The following SLC5A1 variants were observed in gnomAD, a reference collection of about 807,000 sequenced individuals.
The protein encoded by SLC5A1 is solute carrier family 5 member 1, also known as sodium/glucose cotransporter 1.
In SLC5A1, 42 loss-of-function variants were observed where a neutral mutation model predicts 73.5. The ratio of observed to expected loss-of-function variants is 0.57; its 90% CI spans 0.45 to 0.74. The LOEUF is 0.74. SLC5A1 is among the 30% of genes least tolerant of loss of function. The probability of loss-of-function intolerance (pLI) is 0.00; values close to 1 mark genes in which losing one functional copy is unlikely to be tolerated. For missense variants in SLC5A1, 634 were observed against 855.4 expected (o/e 0.74, Z 3.23); for synonymous variants, 300 against 317.4 (o/e 0.95, Z 0.58).
chr22:32,047,771 T>C (rs929969113), intron 1 of SLC5A1, among the ~76,000 whole-genome samples: 3 of 152,150 alleles, frequency 2.0e-5, no homozygotes, highest in Admixed American at 6.5e-5. Flanking sequence ...AAATTACAAG[T>C]GTCTAAGTGC....
chr22:32,086,225 A>G lies in SLC5A1; in HGVS notation c.1027A>G (p.Ile343Val). 6.2e-7 allele frequency: 1 copy of G among 1,611,410 alleles called. No homozygotes were observed. Among genetic ancestry groups the G allele is most frequent in the African/African-American group, 1.3e-5 (1 of 74,994 alleles). ...GGCTCTCCATCTCTTCCCAGAAAAA[A>G]TTGCCTGTGTCGTCCCTTCAGAATG... ...MISRILYTEK[I>V]ACVVPSECEK... is the part of the protein sequence containing the mutation. Residue 343 changes from isoleucine to valine, a missense_variant, in exon 10 of 15, where the codon ATT (isoleucine) becomes GTT (valine). This residue lies in a region of SLC5A1 where 422 missense variants were observed against 626.1 expected (regional missense o/e 0.67). Coordinates refer to ENST00000266088, the MANE Select transcript of SLC5A1 (RefSeq NM_000343.4).
In SLC5A1 at chr22:32,073,618, G is replaced by A. The variant is rs186600671; in HGVS notation, c.477+5018G>A. ...GTTGCCCAGGCTGGAGTACTGTGGC[G>A]CGATCTTGGCTCACTGCAACCTCCA... On this transcript the variant is annotated intron_variant, in intron 5 of 14. Transcript: ENST00000266088. Among the ~76,000 whole-genome samples, 251 of 152,032 alleles carry A rather than the reference G, an allele frequency of 1.7e-3. 1 individual carries two copies. The highest frequency in any genetic ancestry group is 5.8e-3 in the African/African-American group (242 of 41,442).
rs144922918 is a variant in SLC5A1 at position 32,061,045 on chromosome 22, C to G, written c.208-5890C>G. On this transcript the variant is annotated intron_variant, in intron 2 of 14. Transcript: ENST00000266088. The stretch of plus-strand genomic sequence containing the variant: ...GCTTATTACTCTGATTTCAATAGGT[C>G]TGGGTGGGTCATTAAATAGAGTAAC... Among the ~76,000 whole-genome samples, 590 of 152,272 alleles carry G rather than the reference C, an allele frequency of 3.9e-3. 6 individuals are homozygous for G. In the Middle Eastern group the frequency reaches 0.044, roughly 11 times the overall value.
At chr22:32,094,244 G>A (rs1417568358) in intron 11 of SLC5A1, among the ~76,000 whole-genome samples, 1 of 152,130 alleles carries the variant, frequency 6.6e-6, no homozygotes, top group African/African-American at 2.4e-5. Context: ...CAGTTAGCTA[G>A]TATTTTGTTA....
chr22:32,083,248 G>A (rs1210932359), intron 7 of SLC5A1, 94 bp downstream of exon 7: 2 of 1,036,610 alleles, frequency 1.9e-6, no homozygotes, highest in Admixed American at 3.9e-5. Flanking sequence ...CTGCTTGCCA[G>A]ACTAGGCAGT....
chr22:32,083,491 T>C (rs938882407), intron 7 of SLC5A1, among the ~76,000 whole-genome samples: 3 of 152,210 alleles, frequency 2.0e-5, no homozygotes, highest in Non-Finnish European at 4.4e-5. Context: ...TAAATATCCA[T>C]CAAGCTAAAT....
chr22:32,069,350 T>C (rs1359532579), intron 5 of SLC5A1, among the ~76,000 whole-genome samples: 1 of 152,078 alleles, frequency 6.6e-6, no homozygotes, highest in East Asian at 1.9e-4. Context: ...AGAGATCTAT[T>C]GTACAACATG....
chr22:32,082,710 G>A (rs2094001914), intron 6 of SLC5A1, among the ~76,000 whole-genome samples: 1 of 152,136 alleles, frequency 6.6e-6, no homozygotes. Flanking sequence ...GTAGACATAT[G>A]TCCCACCATC....
intron 2 of SLC5A1, among the ~76,000 whole-genome samples, chr22:32,059,732 G>C (rs2093957476): frequency 6.6e-6 from 1 of 152,164 alleles, no homozygotes; most frequent in Non-Finnish European, 1.5e-5. Flanking sequence ...GATCACCTCT[G>C]AGAACTCTCA....
chr22:32,059,789 A>G (rs1215875806), intron 2 of SLC5A1, among the ~76,000 whole-genome samples: 5 of 152,154 alleles, frequency 3.3e-5, no homozygotes, highest in Non-Finnish European at 7.4e-5. Context: ...ATGATTTCCC[A>G]CCAAGATTTT....
At chr22:32,103,719 C>T (rs2094040370) in intron 13 of SLC5A1, among the ~76,000 whole-genome samples, 1 of 152,184 alleles carries the variant, frequency 6.6e-6, no homozygotes, top group Non-Finnish European at 1.5e-5. Flanking sequence ...ATATAGTTTG[C>T]CTCTTGATTT....
At chr22:32,087,363 AC>A (rs1368770167) in intron 10 of SLC5A1, among the ~76,000 whole-genome samples, 1 of 152,162 alleles carries the variant, frequency 6.6e-6, no homozygotes, top group Non-Finnish European at 1.5e-5. Context: ...AATATACATA[AC>A]TTTTACTTGC....
intron 2 of SLC5A1, among the ~76,000 whole-genome samples, chr22:32,055,901 C>T (rs1329974507): frequency 6.6e-6 from 1 of 152,196 alleles, no homozygotes; most frequent in Non-Finnish European, 1.5e-5. Context: ...AACTGTGGTA[C>T]CCAGACCAGC....
At chr22:32,049,126 T>C (rs2093941264) in intron 1 of SLC5A1, among the ~76,000 whole-genome samples, 1 of 143,962 alleles carries the variant, frequency 6.9e-6, no homozygotes, top group East Asian at 2.0e-4. Context: ...ATTATATATA[T>C]ATAATCATTA....
intron 4 of SLC5A1, 41 bp from the exon 5 acceptor site, chr22:32,068,455 G>A (rs776659775): frequency 7.3e-6 from 9 of 1,226,370 alleles, no homozygotes; most frequent in Non-Finnish European, 1.1e-5. Flanking sequence ...GGGCCCTCTG[G>A]TCACTGTGGC....
intron 1 of SLC5A1, among the ~76,000 whole-genome samples, chr22:32,045,656 T>C (rs758299146): frequency 2.0e-5 from 3 of 152,262 alleles, no homozygotes; most frequent in African/African-American, 7.2e-5. Context: ...TGTTTTGCTC[T>C]TTTACAATTC....
At chr22:32,060,349 G>A (rs565133473) in intron 2 of SLC5A1, among the ~76,000 whole-genome samples, 2 of 152,010 alleles carry the variant, frequency 1.3e-5, no homozygotes, top group South Asian at 2.1e-4. Flanking sequence ...CTACCACTAC[G>A]TCTGGCTAAT....
intron 1 of SLC5A1, among the ~76,000 whole-genome samples, chr22:32,045,596 G>C (rs888907457): frequency 3.7e-4 from 57 of 152,338 alleles, no homozygotes; most frequent in African/African-American, 1.3e-3. Context: ...GACCCACACA[G>C]TCAATGTCCC....
chr22:32,057,405 T>G (rs1488408182), intron 2 of SLC5A1, among the ~76,000 whole-genome samples: 1 of 151,524 alleles, frequency 6.6e-6, no homozygotes, highest in Non-Finnish European at 1.5e-5. Context: ...TATCTGGGAC[T>G]ATAGACAGTG....
Sources: gnomAD v4.1 joint callset for allele counts (sites outside exome capture counted in the v4.1 genomes callset) on GRCh38, gnomAD v4.1.1 for gene constraint, gnomAD v4.1.1 regional missense constraint, MANE v1.5 for transcripts, NCBI Gene and HGNC (gene_info 2026-07-23, HGNC 2026-07-21) for gene names.